CBFA2T2: variants seen among roughly 807,000 people sequenced by gnomAD.
CBFA2T2 encodes protein CBFA2T2.
A neutral mutation model predicts 62.2 loss-of-function variants in CBFA2T2; 11 were observed. That is an observed-to-expected ratio of 0.18 (90% CI 0.11 to 0.29). The LOEUF (loss-of-function observed/expected upper bound fraction) is 0.29, where lower values mean the gene tolerates loss of function less well. CBFA2T2 is among the 10% of genes least tolerant of loss of function. The pLI, the probability that CBFA2T2 is intolerant of heterozygous loss-of-function variation, is 1.00. For synonymous variants in CBFA2T2, 295 were observed against 287.5 expected, an observed-to-expected ratio of 1.03 and a Z score of -0.27; for missense variants, 592 against 774.1, an observed-to-expected ratio of 0.76 and a Z score of 2.79.
intron 1 of CBFA2T2, among the ~76,000 whole-genome samples, chr20:33,495,611 G>A (rs1209222074): frequency 1.3e-5 from 2 of 151,228 alleles, no homozygotes; most frequent in Non-Finnish European, 2.9e-5. Context: ...AGAATTGCTT[G>A]AAAGAAACTG....
At chr20:33,518,848 G>T (rs2011651903) in intron 1 of CBFA2T2, among the ~76,000 whole-genome samples, 1 of 151,220 alleles carries the variant, frequency 6.6e-6, no homozygotes, top group African/African-American at 2.4e-5. Context: ...TTGAGACGGA[G>T]TCTGGCTCTG....
At chr20:33,629,014 C>T (rs1046262051) in intron 7 of CBFA2T2, among the ~76,000 whole-genome samples, 4 of 152,158 alleles carry the variant, frequency 2.6e-5, no homozygotes, top group Non-Finnish European at 5.9e-5. Flanking sequence ...GCCTGTAGTC[C>T]CAGCTACTCG....
rs146318384 is a variant in CBFA2T2 at position 33,521,139 on chromosome 20, G to A, written c.34+30838G>A. 3.3e-4 allele frequency among the ~76,000 whole-genome samples: 50 copies of A among 152,124 alleles called. 1 individual carries two copies. The East Asian group carries it at 9.3e-3, about 28-fold the overall frequency. On this transcript the variant is annotated intron_variant, in intron 1 of 10. Transcript: ENST00000342704. ...GAAGAAAACATTTCTCAATTATAAAGTATACAACTAGGAAGAAATTCTTAT... is the reference window on the plus strand; with the variant it reads ...GAAGAAAACATTTCTCAATTATAAAATATACAACTAGGAAGAAATTCTTAT...
chr20:33,621,637 C>T (rs992226484), intron 4 of CBFA2T2, among the ~76,000 whole-genome samples: 2 of 152,158 alleles, frequency 1.3e-5, no homozygotes, highest in African/African-American at 2.4e-5. Flanking sequence ...AAAATATTTA[C>T]TGTCTGGTCA....
chr20:33,614,133 C>T (rs1170194555), intron 3 of CBFA2T2, among the ~76,000 whole-genome samples: 1 of 151,324 alleles, frequency 6.6e-6, no homozygotes, highest in African/African-American at 2.4e-5. Flanking sequence ...AAAAAAAATT[C>T]ATTTGTAAAA....
intron 7 of CBFA2T2, 42 bp downstream of exon 7, chr20:33,628,477 C>CT (rs780864869): frequency 4.1e-5 from 58 of 1,402,286 alleles, no homozygotes; most frequent in Non-Finnish European, 5.4e-5. Flanking sequence ...CTCTTTATTA[C>CT]TTTTTTTTGA....
intron 9 of CBFA2T2, chr20:33,639,073 T>A (rs1601116500): frequency 6.6e-6 from 1 of 152,380 alleles, no homozygotes; most frequent in African/African-American, 2.4e-5. Context: ...TTTCATTGCC[T>A]AGCTTTAGCA....
At chr20:33,494,271 ATATTTTTTTTT>A (rs2011175627) in intron 1 of CBFA2T2, among the ~76,000 whole-genome samples, 99 of 21,016 alleles carry the variant, frequency 4.7e-3, no homozygotes, top group Middle Eastern at 0.062. Context: ...ATATATATAT[ATATTTTTTTTT>A]TTTTTTTTTT....
intron 8 of CBFA2T2, among the ~76,000 whole-genome samples, chr20:33,632,841 C>A (rs1198558749): frequency 6.6e-6 from 1 of 152,136 alleles, no homozygotes; most frequent in East Asian, 1.9e-4. Context: ...GATCTTGCCT[C>A]ACTGCTCCCC....
chr20:33,545,703 C>T (rs1259799091), intron 1 of CBFA2T2, among the ~76,000 whole-genome samples: 1 of 152,202 alleles, frequency 6.6e-6, no homozygotes, highest in Non-Finnish European at 1.5e-5. Context: ...CCCTGTTGGC[C>T]TCCCAAAATG....
At position 33,636,670 on chromosome 20, in the gene CBFA2T2, G is replaced by C. The variant is rs1265107878; in HGVS notation, c.1259G>C (p.Gly420Ala). 1.2e-6 allele frequency: 2 copies of C among 1,613,684 alleles called. No homozygotes were observed. Among genetic ancestry groups the C allele is most frequent in the Non-Finnish European group, 1.7e-6 (2 of 1,179,826 alleles). ...DSQREFNSRP[G>A]TGYVPVEFWK... ...CAGAGAGAGTTCAACAGCAGGCCAG[G>C]TACAGGATACGTACCTGTGGAGTTT... The change falls in exon 9 of 11, where the codon GGT (glycine) becomes GCT (alanine). Residue 420 changes from glycine to alanine, a missense_variant. Physicochemically the swap from Gly to Ala is moderately conservative, Grantham distance 60. Around this residue, in one of 3 missense-constraint regions of CBFA2T2, gnomAD observed 449 missense variants for 551.2 expected, o/e 0.81. Transcript: ENST00000342704.
intron 1 of CBFA2T2, among the ~76,000 whole-genome samples, chr20:33,548,442 C>G (rs2012640002): frequency 6.6e-6 from 1 of 151,622 alleles, no homozygotes; most frequent in African/African-American, 2.4e-5. Flanking sequence ...TGGGGTTTCA[C>G]CATGTTGGCC....
intron 1 of CBFA2T2, among the ~76,000 whole-genome samples, chr20:33,504,478 C>CT (rs2011365948): frequency 7.0e-6 from 1 of 143,498 alleles, no homozygotes; most frequent in Non-Finnish European, 1.5e-5. Context: ...GCATGGCTCA[C>CT]GGCAGCCTCC....
At chr20:33,611,902 T>A (rs2015545286) in intron 3 of CBFA2T2, among the ~76,000 whole-genome samples, 4 of 152,210 alleles carry the variant, frequency 2.6e-5, no homozygotes, top group Admixed American at 2.6e-4. Context: ...ACTTTGGATT[T>A]TTTTTAAAAC....
chr20:33,503,910 A>G (rs1360818372), intron 1 of CBFA2T2, among the ~76,000 whole-genome samples: 1 of 150,692 alleles, frequency 6.6e-6, no homozygotes, highest in African/African-American at 2.4e-5. Context: ...GCATAGTTCT[A>G]TTAGTTTTGT....
At chr20:33,570,247 C>G (rs760096357) in intron 1 of CBFA2T2, among the ~76,000 whole-genome samples, 10 of 152,234 alleles carry the variant, frequency 6.6e-5, no homozygotes, top group Non-Finnish European at 1.5e-4. Flanking sequence ...TGCCACTGCA[C>G]TCCAGCCTGG....
intron 6 of CBFA2T2, among the ~76,000 whole-genome samples, chr20:33,627,332 G>T (rs933149839): frequency 6.6e-6 from 1 of 152,106 alleles, no homozygotes; most frequent in Non-Finnish European, 1.5e-5. Flanking sequence ...GGGAGGTGGG[G>T]GTTGCAGTGA....
rs547154567 is a variant in CBFA2T2, at chr20:33,495,396, A to G, written c.34+5095A>G. Among the ~76,000 whole-genome samples the G allele has an allele frequency of 2.2e-3, 331 of 150,406 alleles. 1 individual carries two copies. The highest frequency in any genetic ancestry group is 7.7e-3 in the African/African-American group (317 of 40,954). On this transcript the variant is annotated intron_variant, in intron 1 of 10. Transcript: ENST00000342704. The stretch of plus-strand genomic sequence containing the variant: ...AGGGAAACTCTATCTCAAAAAAAAA[A>G]AAAAAAAAAGGCCGGGCACGATGGC...
At chr20:33,549,544 G>T (rs991872180) in intron 1 of CBFA2T2, among the ~76,000 whole-genome samples, 1 of 152,148 alleles carries the variant, frequency 6.6e-6, no homozygotes, top group Non-Finnish European at 1.5e-5. Context: ...CAGGAATAGC[G>T]AATTTATAGG....
Sources: allele counts gnomAD v4.1 joint callset (sites outside exome capture counted in the v4.1 genomes callset), GRCh38; gene constraint gnomAD v4.1.1; regional missense constraint gnomAD v4.1.1; transcripts MANE v1.5; gene names NCBI Gene and HGNC (gene_info 2026-07-23, HGNC 2026-07-21).